Variants in CDH9 observed in about 807,000 individuals in gnomAD.
CDH9 encodes the protein cadherin 9.
In CDH9, 28 loss-of-function variants were observed where a neutral mutation model predicts 70.9. The ratio of observed to expected loss-of-function variants is 0.40; its 90% CI spans 0.29 to 0.54. The LOEUF (loss-of-function observed/expected upper bound fraction) is 0.54, where lower values mean the gene tolerates loss of function less well. Among genes scored for constraint, CDH9 ranks in the 20% least tolerant of loss-of-function variants. The pLI, the probability that CDH9 is intolerant of heterozygous loss-of-function variation, is 0.59. For missense variants in CDH9, 874 were observed against 984.4 expected, an observed-to-expected ratio of 0.89 and a Z score of 1.50; for synonymous variants, 409 against 343.1, an observed-to-expected ratio of 1.19 and a Z score of -2.12.
intron 1 of CDH9, among the ~76,000 whole-genome samples, chr5:27,005,379 A>G (rs2112109931): frequency 6.6e-6 from 1 of 152,214 alleles, no homozygotes; most frequent in Non-Finnish European, 1.5e-5. Context: ...ACACTTCTCA[A>G]AAGAAGACAT....
intron 1 of CDH9, among the ~76,000 whole-genome samples, chr5:27,029,747 A>C (rs1219648430): frequency 6.6e-6 from 1 of 152,030 alleles, no homozygotes; most frequent in African/African-American, 2.4e-5. Flanking sequence ...AGGAAAGTGA[A>C]GGGCTCATAC....
intron 2 of CDH9, among the ~76,000 whole-genome samples, chr5:26,961,096 A>C (rs1742027587): frequency 6.6e-6 from 1 of 152,024 alleles, no homozygotes; most frequent in African/African-American, 2.4e-5. Context: ...ATGGATTAAC[A>C]TTGATTGATA....
chr5:26,930,347 A>G (rs1022365543), intron 2 of CDH9, among the ~76,000 whole-genome samples: 1 of 152,100 alleles, frequency 6.6e-6, no homozygotes, highest in East Asian at 1.9e-4. Context: ...GTCCCTTGGT[A>G]TAGATGGAGG....
At chr5:26,986,139 A>G (rs369806218) in intron 2 of CDH9, among the ~76,000 whole-genome samples, 1 of 152,098 alleles carries the variant, frequency 6.6e-6, no homozygotes. Context: ...TTTCATATAC[A>G]TATTATTTCC....
chr5:26,957,433 G>A (rs566048762), intron 2 of CDH9, among the ~76,000 whole-genome samples: 84 of 152,222 alleles, frequency 5.5e-4, no homozygotes, highest in Admixed American at 3.0e-3. Flanking sequence ...AGGCCAAGGC[G>A]GGCAGATCAC....
chr5:27,023,108 G>A (rs1037838191), intron 1 of CDH9, among the ~76,000 whole-genome samples: 4 of 151,954 alleles, frequency 2.6e-5, no homozygotes, highest in Non-Finnish European at 4.4e-5. Flanking sequence ...GCCCCAGTGT[G>A]GAAAATGAAT....
chr5:26,987,330 A>G (rs954132570), intron 2 of CDH9, among the ~76,000 whole-genome samples: 2 of 151,972 alleles, frequency 1.3e-5, no homozygotes, highest in Non-Finnish European at 2.9e-5. Context: ...ATAGTTAACA[A>G]ATGAATTGTC....
At chr5:26,935,614 G>T (rs73073531) in intron 2 of CDH9, among the ~76,000 whole-genome samples, 7,944 of 152,210 alleles carry the variant, frequency 0.052, 347 homozygotes, top group African/African-American at 0.12. Context: ...ATAGATGTTG[G>T]TGGAGATGTG....
intron 1 of CDH9, among the ~76,000 whole-genome samples, chr5:27,023,221 T>A (rs144231278): frequency 5.6e-4 from 85 of 152,180 alleles, no homozygotes; most frequent in African/African-American, 1.9e-3. Flanking sequence ...CCACATACAA[T>A]TTGGGAAATG....
intron 2 of CDH9, among the ~76,000 whole-genome samples, chr5:26,926,923 C>G (rs10037657): frequency 8.1e-6 from 1 of 122,790 alleles, no homozygotes; most frequent in Non-Finnish European, 1.7e-5. Context: ...TACAGCCCCC[C>G]CCCGCAAAAA....
intron 3 of CDH9, among the ~76,000 whole-genome samples, chr5:26,913,253 A>G (rs1325834425): frequency 2.0e-5 from 3 of 152,228 alleles, no homozygotes; most frequent in Admixed American, 1.3e-4. Context: ...TAAACCAAAT[A>G]TAGTATCTTC....
At chr5:27,033,084 A>T (rs1743336256) in intron 1 of CDH9, among the ~76,000 whole-genome samples, 1 of 151,278 alleles carries the variant, frequency 6.6e-6, no homozygotes, top group Non-Finnish European at 1.5e-5. Context: ...TACAGTTAAA[A>T]AAATAAAATT....
chr5:26,994,163 G>A (rs2112098033), intron 1 of CDH9, among the ~76,000 whole-genome samples: 1 of 152,114 alleles, frequency 6.6e-6, no homozygotes, highest in Non-Finnish European at 1.5e-5. Context: ...TTTTACTCAG[G>A]ATAAATAATA....
At chr5:27,018,762 G>C (rs1302201977) in intron 1 of CDH9, among the ~76,000 whole-genome samples, 1 of 151,746 alleles carries the variant, frequency 6.6e-6, no homozygotes, top group South Asian at 2.1e-4. Flanking sequence ...TTCGTGTCAG[G>C]GTAGTACCTC....
chr5:26,967,513 C>A (rs1391421401), intron 2 of CDH9, among the ~76,000 whole-genome samples: 1 of 152,100 alleles, frequency 6.6e-6, no homozygotes, highest in Non-Finnish European at 1.5e-5. Context: ...TTACCAGTCT[C>A]ATCAGAAAGA....
At chr5:26,926,248 A>G (rs528269737) in intron 2 of CDH9, among the ~76,000 whole-genome samples, 53 of 152,192 alleles carry the variant, frequency 3.5e-4, no homozygotes, top group Admixed American at 9.2e-4. Flanking sequence ...GCAAAGTCTC[A>G]GGATACAAAA....
intron 2 of CDH9, among the ~76,000 whole-genome samples, chr5:26,925,436 A>T (rs1741320354): frequency 6.6e-6 from 1 of 152,080 alleles, no homozygotes; most frequent in Non-Finnish European, 1.5e-5. Context: ...TTCTTTGTAG[A>T]TTCTAGATAT....
At chr5:27,004,107 T>C (rs1742817477) in intron 1 of CDH9, among the ~76,000 whole-genome samples, 1 of 114,416 alleles carries the variant, frequency 8.7e-6, no homozygotes, top group Admixed American at 8.8e-5. Flanking sequence ...AGAATGCCTC[T>C]CTGAAAAAAA....
chr5:26,927,248 T>C (rs11745103), intron 2 of CDH9, among the ~76,000 whole-genome samples: 49,377 of 151,798 alleles, frequency 0.33, 9,707 homozygotes, highest in Non-Finnish European at 0.45. Flanking sequence ...GAAAAAAACA[T>C]ACTTTAACAC....
Sources: allele counts gnomAD v4.1 joint callset (sites outside exome capture counted in the v4.1 genomes callset), GRCh38; gene constraint gnomAD v4.1.1; transcripts MANE v1.5; gene names NCBI Gene and HGNC (gene_info 2026-07-23, HGNC 2026-07-21).